The following OR2L13 variants were observed in gnomAD, a reference collection of about 807,000 sequenced individuals.
The protein encoded by OR2L13 is olfactory receptor family 2 subfamily L member 13, also known as olfactory receptor 2L13.
Under a neutral mutation model 15.3 loss-of-function variants are expected in OR2L13, and 14 were observed. The ratio of observed to expected loss-of-function variants is 0.91; its 90% CI spans 0.60 to 1.43. The LOEUF (loss-of-function observed/expected upper bound fraction) is 1.43. Ranked by LOEUF, OR2L13 falls within the 40% of genes most tolerant of loss-of-function variation. The pLI is 0.00. For synonymous variants in OR2L13, 152 were observed against 142.9 expected (o/e 1.06, Z -0.45); for missense variants, 367 against 387.9 (o/e 0.95, Z 0.45).
chr1:247,987,994 T>C, the OR2L13 span, among the ~76,000 whole-genome samples: 940 of 152,298 alleles, frequency 6.2e-3, 9 homozygotes, highest in African/African-American at 0.022. Context: ...AAAAACTTAA[T>C]ATTTTATCTC....
the OR2L13 span, among the ~76,000 whole-genome samples, chr1:248,032,823 G>A: frequency 6.6e-6 from 1 of 152,098 alleles, no homozygotes; most frequent in Non-Finnish European, 1.5e-5. Context: ...GGGCATATAA[G>A]TATGTTTTTG....
chr1:248,015,502 T>G, the OR2L13 span, among the ~76,000 whole-genome samples: 1 of 152,308 alleles, frequency 6.6e-6, no homozygotes, highest in African/African-American at 2.4e-5. Context: ...ACGAAGTCAA[T>G]GACTTCACAG....
the OR2L13 span, among the ~76,000 whole-genome samples, chr1:248,079,651 C>T: frequency 6.6e-6 from 1 of 152,014 alleles, no homozygotes; most frequent in East Asian, 1.9e-4. Context: ...TTAATTGCCC[C>T]ACATAGATAC....
upstream of OR2L13, among the ~76,000 whole-genome samples, chr1:248,096,204 C>T (rs1014171682): frequency 6.6e-6 from 1 of 151,606 alleles, no homozygotes; most frequent in African/African-American, 2.4e-5. Context: ...CAGTGAAACC[C>T]GGTCTCTACT....
the OR2L13 span, among the ~76,000 whole-genome samples, chr1:248,044,604 CCAT>C: frequency 0.01 from 895 of 87,062 alleles, 88 homozygotes; most frequent in Non-Finnish European, 0.011. Flanking sequence ...GAGATCGAGA[CCAT>C]CCTGGCTAAC....
At chr1:247,954,466 T>G in the OR2L13 span, among the ~76,000 whole-genome samples, 3,184 of 152,266 alleles carry the variant, frequency 0.021, 104 homozygotes, top group African/African-American at 0.072. Flanking sequence ...TAATTTTGTC[T>G]GCTAAATATT....
chr1:247,955,179 A>G, the OR2L13 span, among the ~76,000 whole-genome samples: 1 of 149,334 alleles, frequency 6.7e-6, no homozygotes, highest in South Asian at 2.1e-4. Flanking sequence ...ATTCCCACCT[A>G]TGAGTGAGAA....
At chr1:248,027,824 G>A in the OR2L13 span, among the ~76,000 whole-genome samples, 1 of 151,928 alleles carries the variant, frequency 6.6e-6, no homozygotes, top group Non-Finnish European at 1.5e-5. Context: ...CGACCAATCA[G>A]CAATCCCCAC....
chr1:247,957,594 A>G, the OR2L13 span, among the ~76,000 whole-genome samples: 121,418 of 152,008 alleles, frequency 0.8, 52,643 homozygotes, highest in South Asian at 0.95. Flanking sequence ...GGTTGGTAAG[A>G]TATTAATTAT....
chr1:247,976,727 G>A, the OR2L13 span, among the ~76,000 whole-genome samples: 1 of 152,252 alleles, frequency 6.6e-6, no homozygotes, highest in Admixed American at 6.5e-5. Flanking sequence ...TTCTTTAGTA[G>A]GGTATGTGAT....
At chr1:247,967,914 C>T in the OR2L13 span, among the ~76,000 whole-genome samples, 18 of 151,688 alleles carry the variant, frequency 1.2e-4, no homozygotes, top group Non-Finnish European at 2.5e-4. Context: ...TCTTCCTCTT[C>T]TTCTTCTTCC....
chr1:247,957,801 T>G, the OR2L13 span, among the ~76,000 whole-genome samples: 1 of 152,170 alleles, frequency 6.6e-6, no homozygotes, highest in African/African-American at 2.4e-5. Context: ...CCCTTTATCA[T>G]TTTTTATTGT....
chr1:248,002,053 G>A, the OR2L13 span, among the ~76,000 whole-genome samples: 1 of 151,972 alleles, frequency 6.6e-6, no homozygotes, highest in African/African-American at 2.4e-5. Context: ...TATTGGATTT[G>A]TCTTAATGCC....
At chr1:248,061,244 G>T in the OR2L13 span, 3 of 1,610,994 alleles carry the variant, frequency 1.9e-6, no homozygotes, top group Non-Finnish European at 2.5e-6. Context: ...ACTCTGGCCT[G>T]CATGGACACC....
chr1:248,019,255 C>A, the OR2L13 span, among the ~76,000 whole-genome samples: 1 of 152,064 alleles, frequency 6.6e-6, no homozygotes, highest in Admixed American at 6.6e-5. Flanking sequence ...CTTTAATATG[C>A]ATTTATAGGA....
chr1:248,044,383 T>C, the OR2L13 span, among the ~76,000 whole-genome samples: 1 of 152,324 alleles, frequency 6.6e-6, no homozygotes, highest in African/African-American at 2.4e-5. Flanking sequence ...CAAAGTTAAC[T>C]TGTCTAAGAA....
At chr1:248,065,585 T>TTCCCCCCA in the OR2L13 span, among the ~76,000 whole-genome samples, 1 of 42,824 alleles carries the variant, frequency 2.3e-5, no homozygotes, top group African/African-American at 7.1e-5. Context: ...CCCTCCCCCC[T>TTCCCCCCA]CCCCCCACCC....
chr1:247,976,150 A>G, the OR2L13 span, among the ~76,000 whole-genome samples: 1 of 152,142 alleles, frequency 6.6e-6, no homozygotes, highest in Non-Finnish European at 1.5e-5. Flanking sequence ...GGATAAGCCA[A>G]TTTGTCTTTA....
At chr1:248,041,603 C>T in the OR2L13 span, 3 of 152,046 alleles carry the variant, frequency 2.0e-5, no homozygotes, top group South Asian at 2.1e-4. Context: ...TTTTTGCAAC[C>T]TACTCATCTG....
Sources: gnomAD v4.1 joint callset for allele counts (sites outside exome capture counted in the v4.1 genomes callset) on GRCh38, gnomAD v4.1.1 for gene constraint, MANE v1.5 for transcripts, NCBI Gene and HGNC (gene_info 2026-07-23, HGNC 2026-07-21) for gene names.